TMEM71: variants seen among roughly 807,000 people sequenced by gnomAD.
TMEM71 encodes transmembrane protein 71.
Under a neutral mutation model 38.0 loss-of-function variants are expected in TMEM71, and 44 were observed. The observed-to-expected ratio is 1.16, with a 90% CI of 0.91 to 1.49. The LOEUF (loss-of-function observed/expected upper bound fraction) is 1.49. TMEM71 is among the 40% of genes most tolerant of loss of function. TMEM71 has a pLI of 0.00. For synonymous variants in TMEM71, 133 were observed against 122.5 expected (o/e 1.09, Z -0.56); for missense variants, 367 against 348.6 (o/e 1.05, Z -0.42).
intron 5 of TMEM71, among the ~76,000 whole-genome samples, chr8:132,736,850 G>T (rs1406173878): frequency 2.6e-5 from 4 of 151,818 alleles, no homozygotes; most frequent in African/African-American, 9.7e-5. Context: ...AAAAATTGCT[G>T]AGAGAGCAGT....
chr8:132,746,378 T>TATATATATACATATATATATACAC (rs2131152417), intron 5 of TMEM71, among the ~76,000 whole-genome samples: 1 of 21,158 alleles, frequency 4.7e-5, no homozygotes, highest in East Asian at 6.9e-4. Context: ...TATATATACA[T>TATATATATACATATATATATACAC]ATATATATAC....
intron 5 of TMEM71, among the ~76,000 whole-genome samples, chr8:132,731,442 G>A (rs1277095708): frequency 6.6e-6 from 1 of 152,156 alleles, no homozygotes; most frequent in African/African-American, 2.4e-5. Context: ...TAGATATGCA[G>A]GAATTTGCTA....
chr8:132,722,251 A>G (rs566409029), intron 6 of TMEM71, 136 bp from the exon 7 acceptor site: 6 of 655,968 alleles, frequency 9.1e-6, no homozygotes, highest in East Asian at 8.2e-5. Flanking sequence ...AGTTCAAGCA[A>G]TGTGTCATAA....
At chr8:132,716,912 T>A (rs10956681) in intron 7 of TMEM71, among the ~76,000 whole-genome samples, 16,433 of 152,218 alleles carry the variant, frequency 0.11, 1,016 homozygotes, top group East Asian at 0.3. Flanking sequence ...ACATTTGGGT[T>A]GTTTCTATTT....
chr8:132,713,046 T>C (rs1041128198), intron 9 of TMEM71, among the ~76,000 whole-genome samples: 1 of 151,684 alleles, frequency 6.6e-6, no homozygotes, highest in Admixed American at 6.6e-5. Flanking sequence ...GGTCTCACTA[T>C]GTTGCTCAGG....
chr8:132,771,720 C>T, the TMEM71 span, among the ~76,000 whole-genome samples: 1 of 151,826 alleles, frequency 6.6e-6, no homozygotes, highest in Non-Finnish European at 1.5e-5. Context: ...TTGGCTCATT[C>T]TAAGAAAGTG....
downstream of TMEM71, among the ~76,000 whole-genome samples, chr8:132,707,285 A>G (rs529142880): frequency 6.6e-6 from 1 of 152,274 alleles, no homozygotes; most frequent in Non-Finnish European, 1.5e-5. Flanking sequence ...GGTTATTCTG[A>G]AGGTGAGGAT....
chr8:132,753,440 T>C (rs1213307269), intron 3 of TMEM71, among the ~76,000 whole-genome samples: 1 of 152,200 alleles, frequency 6.6e-6, no homozygotes, highest in Non-Finnish European at 1.5e-5. Flanking sequence ...GACCATATGC[T>C]TCCAGAAAAT....
chr8:132,767,771 G>A, the TMEM71 span, among the ~76,000 whole-genome samples: 2 of 152,118 alleles, frequency 1.3e-5, no homozygotes, highest in African/African-American at 2.4e-5. Context: ...CACCGCGCCC[G>A]GCCTAGCTCT....
At chr8:132,745,266 C>T (rs1043433035) in intron 5 of TMEM71, among the ~76,000 whole-genome samples, 28 of 152,070 alleles carry the variant, frequency 1.8e-4, no homozygotes, top group Non-Finnish European at 2.8e-4. Context: ...GAAATATGCA[C>T]AAACTATGAA....
intron 5 of TMEM71, among the ~76,000 whole-genome samples, chr8:132,744,843 C>A (rs186561367): frequency 4.6e-5 from 7 of 152,120 alleles, no homozygotes; most frequent in South Asian, 4.2e-4. Context: ...CATAGACCCA[C>A]GAAATGGAAT....
At chr8:132,711,132 G>A in intron 9 of TMEM71, 150 bp from the exon 10 acceptor site, 1 of 702,634 alleles carries the variant, frequency 1.4e-6, no homozygotes, top group South Asian at 2.0e-5. Context: ...ACTAGGAAGA[G>A]TGCAGCCTCA....
chr8:132,711,450 G>A (rs1488325055), intron 9 of TMEM71, among the ~76,000 whole-genome samples: 6 of 152,118 alleles, frequency 3.9e-5, no homozygotes, highest in Non-Finnish European at 4.4e-5. Context: ...AGCCTGTAGG[G>A]TAACAGGTGG....
intron 4 of TMEM71, among the ~76,000 whole-genome samples, chr8:132,748,487 G>GA (rs1828515516): frequency 1.3e-5 from 2 of 152,174 alleles, no homozygotes; most frequent in Admixed American, 1.3e-4. Flanking sequence ...CTACTGTTGA[G>GA]AAAATCTGCT....
At position 132,733,516 on chromosome 8, in the gene TMEM71, G is replaced by A. The variant is rs1012987820; in HGVS notation, c.488-5530C>T. Among the ~76,000 whole-genome samples, 4 of 152,168 alleles carry A rather than the reference G, an allele frequency of 2.6e-5. No homozygotes were observed. In the South Asian group the frequency reaches 8.3e-4, roughly 32 times the overall value. On this transcript the variant is annotated intron_variant, in intron 5 of 9. Transcript: ENST00000677595. ...CCCTCAGCCTGGATACTGAGTTGGG[G>A]GTTTTGGACTGGGAAATTCCTACTA... is the stretch of plus-strand genomic sequence containing the variant.
intron 2 of TMEM71, 182 bp downstream of exon 2, chr8:132,758,658 T>C (rs1829165642): frequency 3.6e-6 from 2 of 562,844 alleles, no homozygotes; most frequent in East Asian, 3.1e-5. Context: ...AAATACCACA[T>C]TTCTTTCAAG....
At chr8:132,769,797 C>T in the TMEM71 span, among the ~76,000 whole-genome samples, 18,783 of 152,218 alleles carry the variant, frequency 0.12, 1,421 homozygotes, top group East Asian at 0.32. Flanking sequence ...TTAAGCTACC[C>T]AGTCTCTGGT....
chr8:132,743,318 C>G (rs1397032499), intron 5 of TMEM71, among the ~76,000 whole-genome samples: 2 of 152,110 alleles, frequency 1.3e-5, no homozygotes, highest in African/African-American at 4.8e-5. Context: ...CTCATTCTCT[C>G]TTCATTGTAC....
rs1252021795 is a variant in TMEM71, at chr8:132,714,023, T to A, written c.844A>T (p.Ser282Cys). Residue 282 changes from serine (S) to cysteine (C), a missense_variant, in exon 9 of 10, where the codon AGC (serine) becomes TGC (cysteine). Ser to Cys is a moderately radical substitution (Grantham distance 112). Transcript: ENST00000677595. ...YVKSLFLSLA[S>C]YFKTTACARF... ...GCACAGGCAGTGGTTTTGAAATAGC[T>A]GGCAAGGCTGAGAAACAATGATTTC... 1 of 1,614,046 alleles carries A rather than the reference T, an allele frequency of 6.2e-7. No individual in the cohort carries two copies. The highest frequency in any genetic ancestry group is 2.2e-5 in the East Asian group (1 of 44,856).
Sources: gnomAD v4.1 joint callset for allele counts (sites outside exome capture counted in the v4.1 genomes callset) on GRCh38, gnomAD v4.1.1 for gene constraint, MANE v1.5 for transcripts, NCBI Gene and HGNC (gene_info 2026-07-23, HGNC 2026-07-21) for gene names.